BTAF1: variants seen among roughly 807,000 people sequenced by gnomAD.
BTAF1 encodes TATA-binding protein-associated factor 172.
A neutral mutation model predicts 227.1 loss-of-function variants in BTAF1; 38 were observed. That is an observed-to-expected ratio of 0.17 (90% confidence interval 0.13 to 0.22). BTAF1 has a LOEUF of 0.22. Among genes scored for constraint, BTAF1 ranks in the 10% least tolerant of loss-of-function variants. The pLI is 1.00. For missense variants in BTAF1, 1,598 were observed against 2,204.0 expected (o/e 0.73, Z 5.51); for synonymous variants, 742 against 751.9 (o/e 0.99, Z 0.21).
chr10:91,964,022 GT>G (rs2133911592), intron 12 of BTAF1, 54 bp from the exon 13 acceptor site: 11 of 1,600,024 alleles, frequency 6.9e-6, no homozygotes, highest in Admixed American at 1.7e-5. Context: ...ATTTGGCAGG[GT>G]TTGTGAGTAT....
At chr10:91,959,175 A>G (rs1175524549) in intron 9 of BTAF1, 21 bp downstream of exon 9, 18 of 1,613,584 alleles carry the variant, frequency 1.1e-5, no homozygotes, top group Middle Eastern at 1.6e-4. Flanking sequence ...TAATGCAACA[A>G]TTATCACCAA....
rs761415793 is a variant in BTAF1 at position 91,982,164 on chromosome 10, A to C, written c.1987A>C (p.Ile663Leu). Residue 663 changes from isoleucine to leucine, a missense_variant, in exon 17 of 38, where the codon ATC (isoleucine) becomes CTC (leucine). Transcript: ENST00000265990. ...GGAGTATATTGCAGGTGCCGACACC[A>C]TCATGGAAGACCCAGCCACCAGGGA... ...LQEYIAGADT[I>L]MEDPATRDFV... 6.2e-7 allele frequency: 1 copy of C among 1,614,066 alleles called. No individual in the cohort carries two copies. Among genetic ancestry groups the C allele is most frequent in the Admixed American group, 1.7e-5 (1 of 60,002 alleles).
chr10:91,955,026 G>A (rs1324354795), intron 6 of BTAF1, among the ~76,000 whole-genome samples: 2 of 152,200 alleles, frequency 1.3e-5, no homozygotes, highest in African/African-American at 4.8e-5. Flanking sequence ...AAAGTGTTTA[G>A]TGTTTAAAAG....
intron 11 of BTAF1, among the ~76,000 whole-genome samples, chr10:91,961,759 A>G (rs971058857): frequency 2.0e-5 from 3 of 152,200 alleles, no homozygotes; most frequent in East Asian, 1.9e-4. Flanking sequence ...TTCCTAGTAT[A>G]TGATCACAGG....
chr10:92,027,436 C>A, intron 37 of BTAF1, 136 bp downstream of exon 37: 2 of 754,276 alleles, frequency 2.7e-6, no homozygotes, highest in Non-Finnish European at 4.1e-6. Flanking sequence ...ATTTTTGGTG[C>A]CTAGATAAAT....
At chr10:91,957,671 C>A (rs1033238288) in intron 8 of BTAF1, among the ~76,000 whole-genome samples, 1 of 152,148 alleles carries the variant, frequency 6.6e-6, no homozygotes, top group Non-Finnish European at 1.5e-5. Context: ...TTGAACAGTT[C>A]CCAATGTGTA....
chr10:92,024,596 G>A (rs1564726083), intron 34 of BTAF1, among the ~76,000 whole-genome samples, 160 bp from the exon 35 acceptor site: 1 of 152,184 alleles, frequency 6.6e-6, no homozygotes, highest in Non-Finnish European at 1.5e-5. Flanking sequence ...AACTAGTTCA[G>A]TGTGCTGCAG....
At chr10:91,946,342 A>G (rs1334013980) in intron 4 of BTAF1, among the ~76,000 whole-genome samples, 2 of 152,212 alleles carry the variant, frequency 1.3e-5, no homozygotes, top group Non-Finnish European at 2.9e-5. Context: ...CTGGGCAACA[A>G]GAGTGAAACT....
intron 25 of BTAF1, among the ~76,000 whole-genome samples, chr10:91,998,793 G>A (rs912232272): frequency 2.0e-5 from 3 of 152,170 alleles, no homozygotes; most frequent in Non-Finnish European, 4.4e-5. Context: ...GCTCATGCCT[G>A]TAATCCCAGC....
intron 15 of BTAF1, among the ~76,000 whole-genome samples, chr10:91,981,036 CT>C (rs1848030043): frequency 6.6e-6 from 1 of 152,048 alleles, no homozygotes; most frequent in Non-Finnish European, 1.5e-5. Context: ...GGAAATGGCA[CT>C]TTTGTACCTT....
At position 91,935,775 on chromosome 10, in the gene BTAF1, T is replaced by C. The variant is rs769863082; in HGVS notation, c.133T>C (p.Ser45Pro). Residue 45 changes from serine (S) to proline (P), a missense_variant, in exon 2 of 38, where the codon TCT (serine) becomes CCT (proline). Ser to Pro is a moderately conservative substitution (Grantham distance 74). Around this residue, in one of 10 missense-constraint regions of BTAF1, gnomAD observed 298 missense variants for 395.2 expected, o/e 0.75. Coordinates refer to ENST00000265990, the MANE Select transcript of BTAF1 (RefSeq NM_003972.3). ...LHPHELNNLL[S>P]KVLIYLRSAN... ...TCCCCATGAACTAAATAATCTCCTG[T>C]CTAAAGTAAGAACTTTTTTTTTTCT... 1.2e-6 allele frequency: 2 copies of C among 1,604,782 alleles called. No homozygotes were observed. Among genetic ancestry groups the C allele is most frequent in the Non-Finnish European group, 1.7e-6 (2 of 1,175,254 alleles).
chr10:91,964,017 G>A, intron 12 of BTAF1, 60 bp from the exon 13 acceptor site: 2 of 1,587,084 alleles, frequency 1.3e-6, no homozygotes, highest in Non-Finnish European at 8.6e-7. Flanking sequence ...ATACCATTTG[G>A]CAGGGTTTGT....
chr10:92,000,147 C>A (rs911225829), intron 25 of BTAF1, among the ~76,000 whole-genome samples: 3 of 152,176 alleles, frequency 2.0e-5, no homozygotes, highest in Non-Finnish European at 2.9e-5. Flanking sequence ...AACAAAGATA[C>A]TAGACCACAG....
At position 92,013,582 on chromosome 10, in the gene BTAF1, T is replaced by C. The variant is rs1850513039; in HGVS notation, c.4312-85T>C. 3.9e-6 allele frequency: 6 copies of C among 1,523,012 alleles called. No homozygotes were observed. In the Admixed American group the frequency reaches 1.0e-4, roughly 26 times the overall value. 94.3% of individuals were successfully genotyped at this position (1,523,012 alleles called of 1,614,324 possible). ...TGATAATCTCTCATCTATATGATTATAATAATGGGCTTTCATTAATGTTAC... is the reference window on the plus strand; with the variant it reads ...TGATAATCTCTCATCTATATGATTACAATAATGGGCTTTCATTAATGTTAC... On this transcript the variant is annotated intron_variant, in intron 30 of 37. Transcript: ENST00000265990.
chr10:92,020,618 C>G (rs956818889), intron 34 of BTAF1, among the ~76,000 whole-genome samples: 7 of 152,072 alleles, frequency 4.6e-5, no homozygotes, highest in Admixed American at 3.9e-4. Context: ...CATCACTAAA[C>G]GTAAAATGGA....
chr10:91,940,532 A>T (rs1844914313), intron 3 of BTAF1, among the ~76,000 whole-genome samples: 1 of 152,022 alleles, frequency 6.6e-6, no homozygotes, highest in African/African-American at 2.4e-5. Flanking sequence ...ATGTGTTCTG[A>T]TTGCCTGTAA....
chr10:91,925,231 T>G (rs1341203967), intron 1 of BTAF1, among the ~76,000 whole-genome samples: 1 of 152,186 alleles, frequency 6.6e-6, no homozygotes, highest in African/African-American at 2.4e-5. Context: ...AAATTTTTTT[T>G]TAAATAAAAC....
At position 91,981,682 on chromosome 10, in the gene BTAF1, G is replaced by T; in HGVS notation, c.1795G>T (p.Val599Leu). 6.2e-7 allele frequency: 1 copy of T among 1,613,752 alleles called. No homozygotes were observed. The highest frequency in any genetic ancestry group is 8.5e-7 in the Non-Finnish European group (1 of 1,179,790). Residue 599 changes from valine (V) to leucine (L), a missense_variant, in exon 16 of 38, where the codon GTG (valine) becomes TTG (leucine). Val to Leu is a conservative substitution (Grantham distance 32). Transcript: ENST00000265990. ...ELLSKASVQY[V>L]VAAACPWMGA... ...GTTGAGTAAGGCTTCAGTTCAGTAT[G>T]TGGTAGCAGCTGCTTGCCCATGGAT... is the stretch of plus-strand genomic sequence containing the variant.
At chr10:92,008,996 A>T (rs1211088269) in intron 27 of BTAF1, 45 bp from the exon 28 acceptor site, 1 of 1,612,186 alleles carries the variant, frequency 6.2e-7, no homozygotes. Flanking sequence ...GATTTGGAGA[A>T]ATGTAAACAA....
Sources: allele counts gnomAD v4.1 joint callset (sites outside exome capture counted in the v4.1 genomes callset), GRCh38; gene constraint gnomAD v4.1.1; regional missense constraint gnomAD v4.1.1; transcripts MANE v1.5; gene names NCBI Gene and HGNC (gene_info 2026-07-23, HGNC 2026-07-21).